The following NUP50 variants were observed in gnomAD, a reference collection of about 807,000 sequenced individuals.
NUP50 encodes nucleoporin 50, also known as nuclear pore complex protein Nup50.
A neutral mutation model predicts 36.8 loss-of-function variants in NUP50; 14 were observed. That is an observed-to-expected ratio of 0.38 (90% CI 0.25 to 0.59). The LOEUF (loss-of-function observed/expected upper bound fraction) is 0.59. Ranked by LOEUF, NUP50 falls within the 20% of genes least tolerant of loss-of-function variation. The probability of loss-of-function intolerance (pLI) is 0.63; values close to 1 mark genes in which losing one functional copy is unlikely to be tolerated. For synonymous variants in NUP50, 195 were observed against 210.8 expected (o/e 0.93, Z 0.65); for missense variants, 455 against 564.6 (o/e 0.81, Z 1.97).
intron 2 of NUP50, among the ~76,000 whole-genome samples, chr22:45,169,953 T>G (rs1238657141): frequency 6.6e-6 from 1 of 152,260 alleles, no homozygotes; most frequent in Non-Finnish European, 1.5e-5. Context: ...GCTCCTCCCG[T>G]AGTCCTGGTT....
At chr22:45,168,500 A>G (rs780324992) in intron 2 of NUP50, among the ~76,000 whole-genome samples, 4 of 152,196 alleles carry the variant, frequency 2.6e-5, no homozygotes, top group African/African-American at 7.2e-5. Context: ...CTCCTTAAAT[A>G]TTCTCCTTAG....
At chr22:45,168,536 C>T (rs185198095) in intron 2 of NUP50, among the ~76,000 whole-genome samples, 9 of 152,140 alleles carry the variant, frequency 5.9e-5, no homozygotes, top group African/African-American at 1.9e-4. Flanking sequence ...TCCTGAGTTT[C>T]GTATACTTGA....
chr22:45,184,453 G>T lies in NUP50; in HGVS notation c.1205G>T (p.Gly402Val). ...ATGGGTTTTGTTTGTTTGAATGCAG[G>T]CAACATATTGCTGAACGTTCTGATT... ...QLLVRADTNL[G>V]NILLNVLIPP... Residue 402 changes from glycine (G) to valine (V), a missense_variant and splice_region_variant, in exon 8 of 8, where the codon GGC becomes GTC. Gly to Val is a moderately radical substitution (Grantham distance 109). This residue lies in a region of NUP50 where 287 missense variants were observed against 345.5 expected (regional missense o/e 0.83). Coordinates refer to ENST00000347635, the MANE Select transcript of NUP50 (RefSeq NM_007172.4). The T allele has an allele frequency of 3.1e-6, 5 of 1,613,826 alleles. No individual in the cohort carries two copies. Among genetic ancestry groups the T allele is most frequent in the Non-Finnish European group, 2.5e-6 (3 of 1,179,758 alleles).
chr22:45,166,733 A>G (rs144368500), intron 1 of NUP50, among the ~76,000 whole-genome samples: 2 of 104,818 alleles, frequency 1.9e-5, no homozygotes, highest in Non-Finnish European at 3.9e-5. Flanking sequence ...AATTATGTCT[A>G]TTCCTGTATT....
chr22:45,170,848 T>G, intron 2 of NUP50: 1 of 400,416 alleles, frequency 2.5e-6, no homozygotes, highest in South Asian at 2.3e-5. Context: ...AGATTACATT[T>G]AGTTAAGTAC....
At chr22:45,168,297 A>G (rs1009419068) in intron 2 of NUP50, 51 bp downstream of exon 2, 2 of 1,466,930 alleles carry the variant, frequency 1.4e-6, no homozygotes, top group South Asian at 1.2e-5. Context: ...TGCCTTTTAC[A>G]TTCATTTTGG....
At chr22:45,171,050 G>C in intron 2 of NUP50, 1 of 1,304,000 alleles carries the variant, frequency 7.7e-7, no homozygotes, top group Non-Finnish European at 1.0e-6. Context: ...GTGGACATCA[G>C]AAGTGTGGAC....
Position 45,177,866 on chromosome 22 carries a change from C to T in NUP50, c.341-372C>T, listed in dbSNP as rs140267808. ...ACAGTAGGTCGGGCGCAGTGGCTCA[C>T]GCTTGTAATCCCAGCACTTTGGGAG... On this transcript the variant is annotated intron_variant, in intron 4 of 7. Transcript: ENST00000347635. 3.9e-3 allele frequency: 776 copies of T among 198,064 alleles called. 4 individuals are homozygous for T. The highest frequency in any genetic ancestry group is 0.017 in the African/African-American group (720 of 42,486). The allele number at this position is 198,064 out of a possible 1,614,324, so 12.3% of individuals were successfully genotyped here.
At chr22:45,179,931 G>A (rs996451194) in intron 5 of NUP50, among the ~76,000 whole-genome samples, 5 of 152,216 alleles carry the variant, frequency 3.3e-5, no homozygotes, top group East Asian at 1.9e-4. Flanking sequence ...GATCCTTGAG[G>A]AAGAAAACTG....
intron 3 of NUP50, 138 bp from the exon 4 acceptor site, chr22:45,175,756 T>C: frequency 1.6e-6 from 1 of 624,388 alleles, no homozygotes; most frequent in Non-Finnish European, 2.7e-6. Flanking sequence ...TATTTCTGCT[T>C]GTGCCAGCAG....
intron 2 of NUP50, 43 bp from the exon 3 acceptor site, chr22:45,171,557 T>G: frequency 6.6e-7 from 1 of 1,519,548 alleles, no homozygotes; most frequent in Non-Finnish European, 9.1e-7. Context: ...TTGTCATCTG[T>G]TTGGCTTTAT....
chr22:45,176,764 G>T (rs1161243509), intron 4 of NUP50, among the ~76,000 whole-genome samples: 2 of 152,074 alleles, frequency 1.3e-5, no homozygotes, highest in Non-Finnish European at 2.9e-5. Flanking sequence ...TTTTTTCTAA[G>T]TTGGAGTCTT....
In NUP50 at chr22:45,187,065, G is replaced by C. The variant is rs2083455568; in HGVS notation, c.*2410G>C. 6.6e-6 allele frequency: 1 copy of C among 152,042 alleles called. No homozygotes were observed. The highest frequency in any genetic ancestry group is 2.4e-5 in the African/African-American group (1 of 41,420). 9.4% of individuals were successfully genotyped at this position (152,042 alleles called of 1,614,324 possible). ...ACTGAAATTTTCATCTTTTGTTTGA[G>C]AATCTATGAAGTGTATCATATACGT... On this transcript the variant is annotated 3_prime_UTR_variant, in exon 8 of 8. Coordinates refer to ENST00000347635, the MANE Select transcript of NUP50 (RefSeq NM_007172.4).
At chr22:45,168,378 A>C (rs2074128478) in intron 2 of NUP50, 132 bp downstream of exon 2, 1 of 643,160 alleles carries the variant, frequency 1.6e-6, no homozygotes, top group Non-Finnish European at 2.8e-6. Context: ...AGATGACAAG[A>C]AATTATATGA....
chr22:45,164,982 CTTG>C (rs1005367386), intron 1 of NUP50: 5 of 152,196 alleles, frequency 3.3e-5, no homozygotes, highest in Non-Finnish European at 5.9e-5. Flanking sequence ...ACTTGGCCCC[CTTG>C]TTGTTTTCCT....
Position 45,185,724 on chromosome 22 carries a change from A to G in NUP50, c.*1069A>G, listed in dbSNP as rs2074459906. The G allele has an allele frequency of 1.3e-5, 2 of 152,190 alleles. No homozygotes were observed. Among genetic ancestry groups the G allele is most frequent in the South Asian group, 4.1e-4 (2 of 4,822 alleles). 9.4% of individuals were successfully genotyped at this position (152,190 alleles called of 1,614,324 possible). ...TACTTTTTTAAGAGTAAGATTCCAT[A>G]TGTCTGTCTGGAAGGGAGCCATGGT... On this transcript the variant is annotated 3_prime_UTR_variant, in exon 8 of 8. Coordinates refer to ENST00000347635, the MANE Select transcript of NUP50 (RefSeq NM_007172.4).
At chr22:45,184,149 A>C (rs1243105364) in intron 7 of NUP50, 6 of 381,386 alleles carry the variant, frequency 1.6e-5, no homozygotes, top group Non-Finnish European at 2.4e-5. Context: ...CCTTCAGTGC[A>C]AAGACGGACA....
intron 5 of NUP50, among the ~76,000 whole-genome samples, chr22:45,179,496 G>A (rs1329703337): frequency 1.3e-5 from 2 of 152,178 alleles, no homozygotes; most frequent in Non-Finnish European, 2.9e-5. Context: ...CCAGACCTCT[G>A]TTGTTAGCTT....
rs1376904612 is a variant in NUP50, at chr22:45,168,238, G to C, written c.61G>C (p.Ala21Pro). 1 of 1,608,312 alleles carries C rather than the reference G, an allele frequency of 6.2e-7. No homozygotes were observed. The highest frequency in any genetic ancestry group is 1.3e-5 in the African/African-American group (1 of 74,538). Residue 21 changes from alanine to proline, a missense_variant, in exon 2 of 8, where the codon GCT (alanine) becomes CCT (proline). Ala to Pro is a conservative substitution (Grantham distance 27, BLOSUM62 -1). Transcript: ENST00000347635. ...TDRNWDQEDE[A>P]EEVGTFSMAS... ...TAGGAATTGGGATCAAGAAGATGAA[G>C]CTGAAGAGGTAAAAAGCAGCTTCCC...
Sources: gnomAD v4.1 joint callset for allele counts (sites outside exome capture counted in the v4.1 genomes callset) on GRCh38, gnomAD v4.1.1 for gene constraint, gnomAD v4.1.1 regional missense constraint, MANE v1.5 for transcripts, NCBI Gene and HGNC (gene_info 2026-07-23, HGNC 2026-07-21) for gene names.